R3HCC1L: variants seen among roughly 807,000 people sequenced by gnomAD.
The protein encoded by R3HCC1L is R3H domain and coiled-coil containing 1 like, also known as coiled-coil domain-containing protein R3HCC1L.
In R3HCC1L, 51 loss-of-function variants were observed where a neutral mutation model predicts 59.9. The observed-to-expected ratio is 0.85, with a 90% CI of 0.68 to 1.07. The LOEUF is 1.07. Among genes scored for constraint, R3HCC1L ranks in the 50% least tolerant of loss-of-function variants. The probability of loss-of-function intolerance (pLI) is 0.00; values close to 1 mark genes in which losing one functional copy is unlikely to be tolerated. For missense variants in R3HCC1L, 965 were observed against 933.0 expected, an observed-to-expected ratio of 1.03 and a Z score of -0.45; for synonymous variants, 322 against 315.2, an observed-to-expected ratio of 1.02 and a Z score of -0.23.
chr10:98,210,784 G>A (rs940641743), intron 5 of R3HCC1L, among the ~76,000 whole-genome samples: 8 of 152,116 alleles, frequency 5.3e-5, no homozygotes, highest in African/African-American at 1.9e-4. Flanking sequence ...TTCTCTCTAC[G>A]AGACTATTTC....
chr10:98,154,182 C>CAAAAAAAAA (rs61379048), intron 1 of R3HCC1L, among the ~76,000 whole-genome samples: 29 of 92,826 alleles, frequency 3.1e-4, no homozygotes, highest in Admixed American at 4.8e-4. Flanking sequence ...AGAGAATAAG[C>CAAAAAAAAA]AAAAAAAAAA....
intron 6 of R3HCC1L, among the ~76,000 whole-genome samples, chr10:98,233,018 T>A (rs944852181): frequency 2.0e-5 from 3 of 152,178 alleles, no homozygotes; most frequent in African/African-American, 7.2e-5. Flanking sequence ...TTTAAATGTA[T>A]AGTGTGTAGG....
chr10:98,176,663 A>C (rs1046612386), intron 4 of R3HCC1L, among the ~76,000 whole-genome samples: 1 of 152,076 alleles, frequency 6.6e-6, no homozygotes, highest in Non-Finnish European at 1.5e-5. Context: ...AGACAGTATT[A>C]CTTCTTTCTT....
At chr10:98,154,883 C>G (rs1203486859) in intron 1 of R3HCC1L, among the ~76,000 whole-genome samples, 1 of 152,074 alleles carries the variant, frequency 6.6e-6, no homozygotes, top group South Asian at 2.1e-4. Flanking sequence ...TTCATGAATC[C>G]TTGCTTAATT....
rs967399707 is a variant in R3HCC1L at position 98,234,339 on chromosome 10, C to T, written c.1962-107C>T. On this transcript the variant is annotated intron_variant, in intron 6 of 9. Coordinates refer to ENST00000298999, the MANE Select transcript of R3HCC1L (RefSeq NM_001351015.2). Reference sequence around the variant, plus strand: ...ATTATCCCCATTCCACCTGTGCACTCGTTGAGTGTTTCTATCTTGTGAAAT... The same window carrying T: ...ATTATCCCCATTCCACCTGTGCACTTGTTGAGTGTTTCTATCTTGTGAAAT... The T allele has an allele frequency of 1.6e-5, 16 of 975,316 alleles. 1 individual carries two copies. The highest frequency in any genetic ancestry group is 9.8e-5 in the South Asian group (7 of 71,092). The allele number at this position is 975,316 out of a possible 1,614,324, so 60.4% of individuals were successfully genotyped here.
intron 4 of R3HCC1L, among the ~76,000 whole-genome samples, chr10:98,198,215 C>CT (rs1851653952): frequency 6.6e-6 from 1 of 151,820 alleles, no homozygotes; most frequent in African/African-American, 2.4e-5. Context: ...AAGAGGATGG[C>CT]TAGAATTTAA....
chr10:98,138,725 C>G (rs1160889328), intron 1 of R3HCC1L, among the ~76,000 whole-genome samples: 1 of 151,904 alleles, frequency 6.6e-6, no homozygotes, highest in African/African-American at 2.4e-5. Context: ...CTGGAGAGGC[C>G]ATGTAGCATT....
intron 9 of R3HCC1L, among the ~76,000 whole-genome samples, chr10:98,239,031 C>T (rs1323601899): frequency 2.0e-5 from 3 of 152,222 alleles, no homozygotes; most frequent in African/African-American, 7.2e-5. Flanking sequence ...TTGCCATTAA[C>T]TAGCTGCGTG....
At chr10:98,209,973 G>A in intron 5 of R3HCC1L, 74 bp downstream of exon 5, 1 of 1,188,054 alleles carries the variant, frequency 8.4e-7, no homozygotes, top group Non-Finnish European at 1.2e-6. Context: ...TTGATAGACA[G>A]TGATGCACAT....
At chr10:98,147,297 G>T (rs1421460743) in intron 1 of R3HCC1L, among the ~76,000 whole-genome samples, 2 of 152,058 alleles carry the variant, frequency 1.3e-5, no homozygotes, top group African/African-American at 4.8e-5. Context: ...TGAACTCCTT[G>T]TATATTCTTG....
intron 4 of R3HCC1L, among the ~76,000 whole-genome samples, chr10:98,171,853 G>A (rs1848543091): frequency 6.6e-6 from 1 of 152,108 alleles, no homozygotes; most frequent in Admixed American, 6.6e-5. Flanking sequence ...ACAAGGAAAG[G>A]CACGGTAGAC....
intron 1 of R3HCC1L, among the ~76,000 whole-genome samples, chr10:98,149,555 T>G (rs1465951009): frequency 6.6e-6 from 1 of 152,226 alleles, no homozygotes; most frequent in African/African-American, 2.4e-5. Context: ...CCATTTTTAG[T>G]TGTTTCAAGA....
At chr10:98,197,142 G>T (rs1217649870) in intron 4 of R3HCC1L, among the ~76,000 whole-genome samples, 1 of 152,022 alleles carries the variant, frequency 6.6e-6, no homozygotes, top group Non-Finnish European at 1.5e-5. Flanking sequence ...TAGAGCAGAG[G>T]TTTCACCATG....
At chr10:98,223,791 G>A (rs1392365333) in intron 5 of R3HCC1L, among the ~76,000 whole-genome samples, 2 of 152,072 alleles carry the variant, frequency 1.3e-5, no homozygotes, top group East Asian at 1.9e-4. Context: ...AGGGCTTCAG[G>A]CAGCGTTCTG....
At chr10:98,172,285 T>C (rs1848591772) in intron 4 of R3HCC1L, among the ~76,000 whole-genome samples, 1 of 152,196 alleles carries the variant, frequency 6.6e-6, no homozygotes, top group Non-Finnish European at 1.5e-5. Flanking sequence ...AACTAGCTTT[T>C]CAAGTAGCTG....
At chr10:98,191,472 A>G (rs922972880) in intron 4 of R3HCC1L, among the ~76,000 whole-genome samples, 5 of 145,278 alleles carry the variant, frequency 3.4e-5, no homozygotes, top group Admixed American at 2.7e-4. Flanking sequence ...GTGTCTGTTC[A>G]TATCCTTTGC....
chr10:98,231,732 G>T, intron 6 of R3HCC1L, 45 bp downstream of exon 6: 3 of 1,459,212 alleles, frequency 2.1e-6, no homozygotes, highest in Non-Finnish European at 2.8e-6. Flanking sequence ...GTGAGATGAA[G>T]TCTTTAAAAA....
chr10:98,189,814 C>G (rs907673124), intron 4 of R3HCC1L, among the ~76,000 whole-genome samples: 4 of 152,164 alleles, frequency 2.6e-5, no homozygotes, highest in African/African-American at 9.7e-5. Context: ...TCTCTGCTGT[C>G]CAAGTATAAT....
intron 4 of R3HCC1L, among the ~76,000 whole-genome samples, chr10:98,203,812 A>T (rs1020383163): frequency 2.0e-5 from 3 of 152,240 alleles, no homozygotes; most frequent in African/African-American, 7.2e-5. Context: ...AAACTGTAGA[A>T]GTAATTGGAC....
Sources: allele counts gnomAD v4.1 joint callset (sites outside exome capture counted in the v4.1 genomes callset), GRCh38; gene constraint gnomAD v4.1.1; transcripts MANE v1.5; gene names NCBI Gene and HGNC (gene_info 2026-07-23, HGNC 2026-07-21).